The following CSMD1 variants were observed in gnomAD, a reference collection of about 807,000 sequenced individuals.
CSMD1 encodes CUB and sushi domain-containing protein 1.
CSMD1 carries 213 observed loss-of-function variants against 417.5 expected under a neutral mutation model. The ratio of observed to expected loss-of-function variants is 0.51; its 90% CI spans 0.46 to 0.57. The LOEUF (loss-of-function observed/expected upper bound fraction) is 0.57, where lower values mean the gene tolerates loss of function less well. CSMD1 is among the 20% of genes least tolerant of loss of function. CSMD1 has a pLI of 0.00. For missense variants in CSMD1, 6,923 were observed against 4,529.7 expected, an observed-to-expected ratio of 1.53 and a Z score of -15.17; for synonymous variants, 2,862 against 1,736.8, an observed-to-expected ratio of 1.65 and a Z score of -16.11.
At chr8:4,744,911 G>A (rs1810857482) in intron 1 of CSMD1, among the ~76,000 whole-genome samples, 1 of 152,088 alleles carries the variant, frequency 6.6e-6, no homozygotes, top group African/African-American at 2.4e-5. Flanking sequence ...GGCTCAGTAT[G>A]TATAAAAATC....
intron 2 of CSMD1, among the ~76,000 whole-genome samples, chr8:4,479,119 A>G (rs781149822): frequency 1.3e-5 from 2 of 152,204 alleles, no homozygotes; most frequent in Non-Finnish European, 2.9e-5. Context: ...TCTGGCATAG[A>G]GAAAATTACA....
chr8:4,879,296 T>C (rs1803249407), intron 1 of CSMD1, among the ~76,000 whole-genome samples: 1 of 152,006 alleles, frequency 6.6e-6, no homozygotes, highest in African/African-American at 2.4e-5. Flanking sequence ...TTGTGTTTAT[T>C]GGCTATATTT....
chr8:2,965,036 C>T (rs1421407547), intron 59 of CSMD1, among the ~76,000 whole-genome samples: 2 of 152,134 alleles, frequency 1.3e-5, no homozygotes, highest in African/African-American at 2.4e-5. Flanking sequence ...CCCTCTCTCC[C>T]CCTCTTCTTG....
intron 12 of CSMD1, among the ~76,000 whole-genome samples, chr8:3,460,898 G>T (rs1276211081): frequency 1.3e-5 from 2 of 152,192 alleles, no homozygotes; most frequent in African/African-American, 4.8e-5. Context: ...CAGGAAGGCA[G>T]ACATGACCAC....
At chr8:4,855,543 A>G (rs1207916085) in intron 1 of CSMD1, among the ~76,000 whole-genome samples, 3 of 152,090 alleles carry the variant, frequency 2.0e-5, no homozygotes, top group South Asian at 4.1e-4. Context: ...GTATAACTAG[A>G]ATAACCAATA....
At chr8:4,441,750 C>T (rs1798495760) in intron 2 of CSMD1, among the ~76,000 whole-genome samples, 1 of 152,056 alleles carries the variant, frequency 6.6e-6, no homozygotes, top group Non-Finnish European at 1.5e-5. Context: ...TTAAATATTG[C>T]ATTGCAGTCC....
chr8:4,067,060 C>T (rs565077697), intron 3 of CSMD1, among the ~76,000 whole-genome samples: 16 of 152,292 alleles, frequency 1.1e-4, no homozygotes, highest in Middle Eastern at 3.4e-3. Flanking sequence ...TGCCACATGG[C>T]GAAGACTGAA....
At chr8:3,546,307 G>A (rs142442657) in intron 10 of CSMD1, among the ~76,000 whole-genome samples, 7,193 of 152,034 alleles carry the variant, frequency 0.047, 493 homozygotes, top group African/African-American at 0.15. Flanking sequence ...AGGCCAAGGT[G>A]GGGGGATCAT....
At chr8:4,871,363 C>T (rs773972184) in intron 1 of CSMD1, among the ~76,000 whole-genome samples, 1 of 152,028 alleles carries the variant, frequency 6.6e-6, no homozygotes. Context: ...ATATAAATGG[C>T]ATTTCCAAAG....
At chr8:3,849,681 G>C (rs1331503239) in intron 5 of CSMD1, among the ~76,000 whole-genome samples, 3 of 152,138 alleles carry the variant, frequency 2.0e-5, no homozygotes, top group Non-Finnish European at 4.4e-5. Flanking sequence ...TAGTGATGTT[G>C]TCAACTGCTG....
intron 3 of CSMD1, among the ~76,000 whole-genome samples, chr8:4,067,225 G>T (rs367714167): frequency 3.8e-4 from 58 of 152,302 alleles, no homozygotes; most frequent in African/African-American, 1.4e-3. Flanking sequence ...TTTTCTACAT[G>T]AAGTCAGATG....
intron 3 of CSMD1, among the ~76,000 whole-genome samples, chr8:4,358,711 C>G (rs140070627): frequency 1.3e-3 from 204 of 152,220 alleles, no homozygotes; most frequent in African/African-American, 4.6e-3. Context: ...GTATTTGTAG[C>G]TTAATCATTA....
intron 3 of CSMD1, among the ~76,000 whole-genome samples, chr8:4,082,086 A>G (rs1448372880): frequency 2.0e-5 from 3 of 152,166 alleles, no homozygotes; most frequent in African/African-American, 7.2e-5. Flanking sequence ...AAGATTACTG[A>G]GACTTATCAA....
intron 2 of CSMD1, among the ~76,000 whole-genome samples, chr8:4,563,839 T>C (rs1395202294): frequency 6.6e-6 from 1 of 152,154 alleles, no homozygotes; most frequent in African/African-American, 2.4e-5. Flanking sequence ...TATAAGAATA[T>C]CTAGGATATC....
At chr8:4,815,582 G>A (rs995787124) in intron 1 of CSMD1, among the ~76,000 whole-genome samples, 64 of 151,184 alleles carry the variant, frequency 4.2e-4, no homozygotes, top group African/African-American at 1.5e-3. Context: ...TGTAATCCCA[G>A]CTATTTGGGA....
At chr8:3,475,431 A>C (rs958296921) in intron 11 of CSMD1, among the ~76,000 whole-genome samples, 1 of 152,248 alleles carries the variant, frequency 6.6e-6, no homozygotes, top group Non-Finnish European at 1.5e-5. Flanking sequence ...TTTTATAGGA[A>C]TATTTCCAAA....
chr8:3,551,732 A>G (rs1014376292), intron 10 of CSMD1, among the ~76,000 whole-genome samples: 12 of 152,146 alleles, frequency 7.9e-5, no homozygotes, highest in African/African-American at 2.9e-4. Context: ...AGTCTGTCAT[A>G]TCACTTGTAT....
intron 52 of CSMD1, 149 bp from the exon 53 acceptor site, chr8:3,000,280 T>C (rs892127127): frequency 4.8e-6 from 2 of 413,534 alleles, no homozygotes; most frequent in African/African-American, 4.1e-5. Context: ...TACTTTTAAA[T>C]ATAGTTTTTC....
At chr8:4,614,893 A>G (rs1212261333) in intron 2 of CSMD1, among the ~76,000 whole-genome samples, 1 of 152,224 alleles carries the variant, frequency 6.6e-6, no homozygotes, top group Non-Finnish European at 1.5e-5. Context: ...TTTTCTCTAG[A>G]GTAAAAAATT....
Sources: gnomAD v4.1 joint callset for allele counts (sites outside exome capture counted in the v4.1 genomes callset) on GRCh38, gnomAD v4.1.1 for gene constraint, MANE v1.5 for transcripts, NCBI Gene and HGNC (gene_info 2026-07-23, HGNC 2026-07-21) for gene names.